NFIB: variants seen among roughly 807,000 people sequenced by gnomAD.
NFIB encodes the protein nuclear factor 1 B-type.
In NFIB, 11 loss-of-function variants were observed where a neutral mutation model predicts 61.5. The ratio of observed to expected loss-of-function variants is 0.18; its 90% CI spans 0.11 to 0.30. The LOEUF (loss-of-function observed/expected upper bound fraction) is 0.30, where lower values mean the gene tolerates loss of function less well. Among genes scored for constraint, NFIB ranks in the 10% least tolerant of loss-of-function variants. The pLI is 1.00. For missense variants in NFIB, 471 were observed against 608.9 expected, an observed-to-expected ratio of 0.77 and a Z score of 2.38; for synonymous variants, 260 against 216.5, an observed-to-expected ratio of 1.20 and a Z score of -1.76.
chr9:14,469,678 T>C, the NFIB span, among the ~76,000 whole-genome samples: 2 of 152,190 alleles, frequency 1.3e-5, no homozygotes, highest in African/African-American at 2.4e-5. Flanking sequence ...TACCACTGTC[T>C]TGTATTCCCC....
chr9:14,227,589 G>A (rs2052592195), intron 2 of NFIB, among the ~76,000 whole-genome samples: 1 of 152,040 alleles, frequency 6.6e-6, no homozygotes, highest in Non-Finnish European at 1.5e-5. Flanking sequence ...ATTTACAACG[G>A]TACTGTAATC....
At chr9:14,403,619 C>T (rs1010419032), upstream of NFIB, among the ~76,000 whole-genome samples, 13 of 149,792 alleles carry the variant, frequency 8.7e-5, no homozygotes, top group African/African-American at 3.2e-4. Context: ...GGCAAATAAA[C>T]TGAGACATGG....
the NFIB span, among the ~76,000 whole-genome samples, chr9:14,413,883 G>A: frequency 7.2e-5 from 11 of 152,140 alleles, 1 homozygote; most frequent in South Asian, 2.3e-3. Flanking sequence ...AGTGAAAAAA[G>A]CCACTAAAAT....
At chr9:14,339,094 T>C (rs1406255236) in intron 1 of NFIB, among the ~76,000 whole-genome samples, 1 of 152,210 alleles carries the variant, frequency 6.6e-6, no homozygotes, top group Non-Finnish European at 1.5e-5. Flanking sequence ...CCCCTGAAAC[T>C]CACAGGTTTG....
At chr9:14,195,476 A>C (rs957640752) in intron 2 of NFIB, among the ~76,000 whole-genome samples, 9 of 152,260 alleles carry the variant, frequency 5.9e-5, no homozygotes, top group African/African-American at 2.2e-4. Context: ...AATAATCTCA[A>C]AGAAAATGAT....
In NFIB at chr9:14,179,718, C is replaced by G; in HGVS notation, c.616+9G>C. 6.2e-7 allele frequency: 1 copy of G among 1,613,444 alleles called. No individual in the cohort carries two copies. The highest frequency in any genetic ancestry group is 2.2e-5 in the East Asian group (1 of 44,858). The stretch of plus-strand genomic sequence containing the variant: ...GTCAGATTGCAAATGTCCTGGAACA[C>G]ATATTTACCTGGAGGATTCTTGGCA... On this transcript the variant is annotated intron_variant, in intron 3 of 10. Transcript: ENST00000380953.
chr9:14,186,271 G>C (rs2047324627), intron 2 of NFIB, among the ~76,000 whole-genome samples: 2 of 152,068 alleles, frequency 1.3e-5, no homozygotes, highest in Non-Finnish European at 2.9e-5. Flanking sequence ...ATAGCCTCTT[G>C]CTAGAACTAA....
intron 2 of NFIB, among the ~76,000 whole-genome samples, chr9:14,198,024 C>T (rs2048640857): frequency 1.3e-5 from 2 of 152,184 alleles, no homozygotes; most frequent in Admixed American, 6.5e-5. Flanking sequence ...CTGGAGTCTA[C>T]AGACAGAATA....
At chr9:14,481,331 G>T in the NFIB span, among the ~76,000 whole-genome samples, 1 of 148,406 alleles carries the variant, frequency 6.7e-6, no homozygotes, top group African/African-American at 2.5e-5. Context: ...GCAGCAACTG[G>T]TTTAATAAGG....
At chr9:14,153,833 G>A (rs754456967) in intron 4 of NFIB, among the ~76,000 whole-genome samples, 2 of 152,132 alleles carry the variant, frequency 1.3e-5, no homozygotes, top group Admixed American at 6.6e-5. Flanking sequence ...GTTTAATTGT[G>A]TAAACAAAGA....
intron 10 of NFIB, among the ~76,000 whole-genome samples, chr9:14,104,480 A>C (rs888838112): frequency 6.6e-6 from 1 of 152,148 alleles, no homozygotes; most frequent in Admixed American, 6.5e-5. Flanking sequence ...AACAATCAAA[A>C]AACAGTTCAA....
intron 2 of NFIB, among the ~76,000 whole-genome samples, chr9:14,276,544 C>A (rs1181638499): frequency 2.0e-5 from 3 of 152,120 alleles, no homozygotes; most frequent in Non-Finnish European, 4.4e-5. Flanking sequence ...AAGGCATTAT[C>A]TGCGGACTCA....
chr9:14,306,888 C>A, intron 2 of NFIB, 101 bp downstream of exon 2: 2 of 1,430,760 alleles, frequency 1.4e-6, no homozygotes, highest in Non-Finnish European at 1.9e-6. Context: ...TGGAGGATAT[C>A]TAGGGGCCTT....
intron 1 of NFIB, among the ~76,000 whole-genome samples, chr9:14,367,691 A>G (rs2061316258): frequency 6.6e-6 from 1 of 152,180 alleles, no homozygotes; most frequent in African/African-American, 2.4e-5. Context: ...ATGGAATACT[A>G]TGCAGCCATA....
At chr9:14,088,974 C>T (rs1563772063) in intron 10 of NFIB, among the ~76,000 whole-genome samples, 1 of 152,052 alleles carries the variant, frequency 6.6e-6, no homozygotes, top group African/African-American at 2.4e-5. Context: ...AATCATAGAA[C>T]CAAAATGGAA....
the NFIB span, among the ~76,000 whole-genome samples, chr9:14,498,796 TCCC>T: frequency 2.9e-5 from 1 of 34,984 alleles, no homozygotes; most frequent in African/African-American, 1.6e-4. Flanking sequence ...CCTCCCTCCC[TCCC>T]TTCCTCCCTT....
the NFIB span, among the ~76,000 whole-genome samples, chr9:14,481,109 C>A: frequency 2.8e-3 from 421 of 148,554 alleles, 3 homozygotes; most frequent in African/African-American, 9.8e-3. Flanking sequence ...TAAACTCCCC[C>A]AGAAGTTGCT....
chr9:14,349,594 G>A (rs943713943), intron 1 of NFIB, among the ~76,000 whole-genome samples: 4 of 152,138 alleles, frequency 2.6e-5, no homozygotes, highest in Non-Finnish European at 5.9e-5. Flanking sequence ...CTGGGGAACA[G>A]CGGCACTTTA....
upstream of NFIB, among the ~76,000 whole-genome samples, chr9:14,403,540 T>A (rs1564061307): frequency 6.6e-6 from 1 of 151,722 alleles, no homozygotes; most frequent in Non-Finnish European, 1.5e-5. Flanking sequence ...TCTCCCCTCT[T>A]CTTTCCCATT....
Sources: allele counts gnomAD v4.1 joint callset (sites outside exome capture counted in the v4.1 genomes callset), GRCh38; gene constraint gnomAD v4.1.1; transcripts MANE v1.5; gene names NCBI Gene and HGNC (gene_info 2026-07-23, HGNC 2026-07-21).